Variants in PCDHA2 observed in about 807,000 individuals in gnomAD.
PCDHA2 encodes the protein protocadherin alpha-2.
Under a neutral mutation model 66.0 loss-of-function variants are expected in PCDHA2, and 58 were observed. The ratio of observed to expected loss-of-function variants is 0.88; its 90% CI spans 0.71 to 1.09. The LOEUF is 1.09. PCDHA2 is among the 50% of genes least tolerant of loss of function. The pLI, the probability that PCDHA2 is intolerant of heterozygous loss-of-function variation, is 0.00. For missense variants in PCDHA2, 1,267 were observed against 1,242.3 expected, an observed-to-expected ratio of 1.02 and a Z score of -0.30; for synonymous variants, 634 against 554.0, an observed-to-expected ratio of 1.14 and a Z score of -2.03.
At chr5:140,875,684 A>T (rs1236163720) in intron 1 of PCDHA2, 1 of 1,613,854 alleles carries the variant, frequency 6.2e-7, no homozygotes, top group Non-Finnish European at 8.5e-7. Flanking sequence ...TCCAAAAGAC[A>T]CGGGGACCTT....
At chr5:140,818,416 A>G (rs1766351066) in intron 1 of PCDHA2, among the ~76,000 whole-genome samples, 1 of 152,192 alleles carries the variant, frequency 6.6e-6, no homozygotes, top group African/African-American at 2.4e-5. Context: ...TTCCTTTTTA[A>G]AAATATATTT....
At chr5:140,980,584 C>A (rs1447001293) in intron 2 of PCDHA2, among the ~76,000 whole-genome samples, 1 of 151,934 alleles carries the variant, frequency 6.6e-6, no homozygotes, top group Non-Finnish European at 1.5e-5. Context: ...GAGCCAAGAT[C>A]GAGCCACTGC....
chr5:140,828,469 T>C, intron 1 of PCDHA2: 1 of 1,614,142 alleles, frequency 6.2e-7, no homozygotes, highest in Non-Finnish European at 8.5e-7. Flanking sequence ...TGAGGGACAT[T>C]AACGACAACC....
intron 3 of PCDHA2, among the ~76,000 whole-genome samples, chr5:140,983,223 C>T (rs2153830857): frequency 6.6e-6 from 1 of 152,270 alleles, no homozygotes; most frequent in Admixed American, 6.5e-5. Context: ...CTAATCCAAA[C>T]TTTCAGGAAA....
Position 141,009,639 on chromosome 5 carries a change from G to A in PCDHA2, c.2549G>A (p.Gly850Glu). The stretch of plus-strand genomic sequence containing the variant: ...TTTTGTCTTTCAGAACCAGAGGCAG[G>A]AGAAGTGTCCCCTCCAGTCGGTGCG... ...VSSATPEPEA[G>E]EVSPPVGAGV... The change falls in exon 4 of 4, where the codon GGA becomes GAA. Residue 850 changes from glycine to glutamate, a missense_variant. Transcript: ENST00000526136. The A allele has an allele frequency of 6.2e-7, 1 of 1,613,406 alleles. No individual in the cohort carries two copies. The highest frequency in any genetic ancestry group is 8.5e-7 in the Non-Finnish European group (1 of 1,179,594).
At chr5:140,877,942 C>G (rs1274042326) in intron 1 of PCDHA2, 1 of 1,367,756 alleles carries the variant, frequency 7.3e-7, no homozygotes, top group African/African-American at 1.5e-5. Context: ...ATCCTTTAAA[C>G]TATCGAATGT....
At chr5:140,858,112 G>A (rs943720366) in intron 1 of PCDHA2, 27 of 1,597,680 alleles carry the variant, frequency 1.7e-5, no homozygotes, top group Non-Finnish European at 2.3e-5. Context: ...TGGCGCCCGA[G>A]GTGGCCCTGG....
At chr5:140,853,460 T>C in intron 1 of PCDHA2, 2 of 974,384 alleles carry the variant, frequency 2.1e-6, no homozygotes, top group Non-Finnish European at 2.5e-6. Flanking sequence ...TCTCCTTATA[T>C]GCATCTGTAG....
chr5:140,982,795 A>ATG (rs60616196), intron 3 of PCDHA2, among the ~76,000 whole-genome samples: 5,064 of 151,610 alleles, frequency 0.033, 263 homozygotes, highest in African/African-American at 0.11. Context: ...GCATGTGTGC[A>ATG]TGTGTGTGTG....
At chr5:140,856,743 T>A in intron 1 of PCDHA2, 1 of 1,596,776 alleles carries the variant, frequency 6.3e-7, no homozygotes, top group Non-Finnish European at 8.6e-7. Flanking sequence ...ATCCTGGTGT[T>A]AGATGCCAAT....
intron 1 of PCDHA2, chr5:140,856,537 G>A: frequency 1.9e-6 from 3 of 1,598,370 alleles, no homozygotes; most frequent in Non-Finnish European, 1.7e-6. Flanking sequence ...ATGTTGGAGA[G>A]AACGCATTGC....
At chr5:140,815,792 G>A (rs1320441539) in intron 1 of PCDHA2, 1 of 152,094 alleles carries the variant, frequency 6.6e-6, no homozygotes, top group African/African-American at 2.4e-5. Context: ...TTCAGCTTTT[G>A]TTTAACTGGG....
rs1554217734 is a variant in PCDHA2 at position 140,946,611 on chromosome 5, A to AATATATATATATATATATATATATATAT, written c.2389-32317_2389-32316insTATATATATATATATATATATATATATA. Among the ~76,000 whole-genome samples, 579 of 86,182 alleles carry AATATATATATATATATATATATATATAT rather than the reference A, an allele frequency of 6.7e-3. 16 individuals are homozygous for AATATATATATATATATATATATATATAT. The highest frequency in any genetic ancestry group is 0.011 in the Middle Eastern group (2 of 184). 56.5% of individuals were successfully genotyped at this position (86,182 alleles called of 152,430 possible). A position where few individuals can be genotyped will look rare whatever the true frequency, so the allele number is the denominator to read the frequency against. On this transcript the variant is annotated intron_variant, in intron 1 of 3. Transcript: ENST00000526136. ...GGATGAATAGATAAAGAAAATGTGA[A>AATATATATATATATATATATATATATAT]ATATATATATATATATATATACAAT...
chr5:140,897,790 T>C (rs1219376194), intron 1 of PCDHA2, among the ~76,000 whole-genome samples: 378 of 152,274 alleles, frequency 2.5e-3, no homozygotes, highest in African/African-American at 8.4e-3. Flanking sequence ...GTTGAACTAG[T>C]TTAGAGTCCC....
chr5:140,795,493 T>C lies in PCDHA2; in HGVS notation c.529T>C (p.Phe177Leu). 2 of 1,613,596 alleles carry C rather than the reference T, an allele frequency of 1.2e-6. No homozygotes were observed. The highest frequency in any genetic ancestry group is 2.2e-5 in the South Asian group (2 of 91,050). Residue 177 changes from phenylalanine to leucine, a missense_variant, in exon 1 of 4, where the codon TTT becomes CTT. Physicochemically the swap from Phe to Leu is conservative, Grantham distance 22. Coordinates refer to ENST00000526136, the MANE Select transcript of PCDHA2 (RefSeq NM_018905.3). ...LLSYKLSSSE[F>L]FFLDIQANDE... ...CTCCTACAAGCTCAGCTCCAGTGAG[T>C]TTTTCTTCCTAGATATACAGGCAAA...
At chr5:140,872,801 C>T (rs2053909345) in intron 1 of PCDHA2, among the ~76,000 whole-genome samples, 1 of 152,086 alleles carries the variant, frequency 6.6e-6, no homozygotes, top group African/African-American at 2.4e-5. Context: ...GGCATTCTTC[C>T]ATAAGTTTTT....
chr5:140,822,948 C>T (rs145265581), intron 1 of PCDHA2: 5 of 1,614,074 alleles, frequency 3.1e-6, no homozygotes, highest in Admixed American at 3.3e-5. Flanking sequence ...TAATGCCCCA[C>T]GTTCCCTTCA....
At chr5:140,943,791 C>G (rs74565063) in intron 1 of PCDHA2, among the ~76,000 whole-genome samples, 2,339 of 152,200 alleles carry the variant, frequency 0.015, 18 homozygotes, top group Middle Eastern at 0.027. Flanking sequence ...GTCCTTTATG[C>G]AAAGCAAAAG....
chr5:140,966,837 T>C, intron 1 of PCDHA2: 1 of 1,566,152 alleles, frequency 6.4e-7, no homozygotes. Context: ...CCCTGGCTGC[T>C]GCTACTGCCT....
Sources: allele counts gnomAD v4.1 joint callset (sites outside exome capture counted in the v4.1 genomes callset), GRCh38; gene constraint gnomAD v4.1.1; transcripts MANE v1.5; gene names NCBI Gene and HGNC (gene_info 2026-07-23, HGNC 2026-07-21).